Variants in PDE1A observed in about 807,000 individuals in gnomAD.
PDE1A encodes phosphodiesterase 1A.
A neutral mutation model predicts 61.7 loss-of-function variants in PDE1A; 35 were observed. The observed-to-expected ratio is 0.57, with a 90% CI of 0.43 to 0.75. The LOEUF is 0.75. Ranked by LOEUF, PDE1A falls within the 30% of genes least tolerant of loss-of-function variation. The pLI, the probability that PDE1A is intolerant of heterozygous loss-of-function variation, is 0.00. For missense variants in PDE1A, 597 were observed against 630.6 expected (o/e 0.95, Z 0.57); for synonymous variants, 232 against 213.2 (o/e 1.09, Z -0.77).
chr2:182,276,642 T>A (rs2125834917), intron 1 of PDE1A, among the ~76,000 whole-genome samples: 1 of 152,108 alleles, frequency 6.6e-6, no homozygotes, highest in East Asian at 1.9e-4. Flanking sequence ...ACAGCAATTT[T>A]AGGGAACAAG....
chr2:182,543,945 G>C, the PDE1A span, among the ~76,000 whole-genome samples: 1 of 152,186 alleles, frequency 6.6e-6, no homozygotes, highest in Admixed American at 6.6e-5. Flanking sequence ...CTTCCTCTCT[G>C]TCTCTCCTTC....
chr2:182,501,828 G>A (rs1689099531), intron 2 of PDE1A, among the ~76,000 whole-genome samples: 1 of 152,062 alleles, frequency 6.6e-6, no homozygotes, highest in African/African-American at 2.4e-5. Flanking sequence ...TTAACACCCT[G>A]TCCTTTAAAG....
At chr2:182,178,617 T>C (rs538264319) in intron 13 of PDE1A, among the ~76,000 whole-genome samples, 1 of 152,186 alleles carries the variant, frequency 6.6e-6, no homozygotes, top group African/African-American at 2.4e-5. Flanking sequence ...TCATGTTCCC[T>C]TATCCAGCAT....
intron 1 of PDE1A, among the ~76,000 whole-genome samples, chr2:182,363,581 G>C (rs2623439): frequency 1.3e-5 from 2 of 151,912 alleles, no homozygotes; most frequent in Non-Finnish European, 2.9e-5. Flanking sequence ...GGCAGAGGGA[G>C]TAACACACGC....
At chr2:182,505,384 G>A (rs1342662433) in intron 2 of PDE1A, among the ~76,000 whole-genome samples, 1 of 151,990 alleles carries the variant, frequency 6.6e-6, no homozygotes, top group Non-Finnish European at 1.5e-5. Context: ...TTAACATTTG[G>A]CAGAGGAATG....
the PDE1A span, among the ~76,000 whole-genome samples, chr2:182,577,990 A>AAGGAAGGAAGGAAGGAAGGGAGGG: frequency 7.3e-5 from 10 of 137,610 alleles, 1 homozygote; most frequent in African/African-American, 2.9e-4. Context: ...GGAAGGAAGG[A>AAGGAAGGAAGGAAGGAAGGGAGGG]AGGGACGGAG....
chr2:182,229,615 G>A (rs979158297), intron 6 of PDE1A, among the ~76,000 whole-genome samples: 1 of 152,122 alleles, frequency 6.6e-6, no homozygotes, highest in African/African-American at 2.4e-5. Flanking sequence ...ATGAGTAAGA[G>A]AGCAAAAGCG....
At chr2:182,425,724 T>G (rs1299740941) in intron 1 of PDE1A, among the ~76,000 whole-genome samples, 1 of 152,166 alleles carries the variant, frequency 6.6e-6, no homozygotes, top group Non-Finnish European at 1.5e-5. Flanking sequence ...AACCAGTGGT[T>G]GCAACTTGAC....
At chr2:182,171,848 T>C (rs1048716508) in intron 13 of PDE1A, among the ~76,000 whole-genome samples, 2 of 151,610 alleles carry the variant, frequency 1.3e-5, no homozygotes, top group Non-Finnish European at 2.9e-5. Context: ...CCCCATCATC[T>C]CTGTTCGACA....
At chr2:182,308,848 A>G (rs1342005444) in intron 1 of PDE1A, among the ~76,000 whole-genome samples, 2 of 152,092 alleles carry the variant, frequency 1.3e-5, no homozygotes, top group Non-Finnish European at 2.9e-5. Flanking sequence ...AACATTGATT[A>G]AAATTCAGCT....
At chr2:182,269,967 A>G (rs1692902345) in intron 1 of PDE1A, among the ~76,000 whole-genome samples, 1 of 152,150 alleles carries the variant, frequency 6.6e-6, no homozygotes, top group Non-Finnish European at 1.5e-5. Flanking sequence ...TTATTAAAAT[A>G]TTTAGAATTC....
exon 15 of PDE1A, chr2:182,141,613 A>G: frequency 6.6e-6 from 1 of 152,250 alleles, no homozygotes; most frequent in East Asian, 1.9e-4. Context: ...AAATATGCAT[A>G]TAGAATATGG....
chr2:182,692,964 C>T, the PDE1A span, among the ~76,000 whole-genome samples: 1 of 151,934 alleles, frequency 6.6e-6, no homozygotes, highest in Non-Finnish European at 1.5e-5. Flanking sequence ...TTATTTGGCA[C>T]CTATAGTCCT....
At chr2:182,275,717 G>A (rs1461310692) in intron 1 of PDE1A, among the ~76,000 whole-genome samples, 1 of 151,944 alleles carries the variant, frequency 6.6e-6, no homozygotes, top group African/African-American at 2.4e-5. Flanking sequence ...GGCAGAATAG[G>A]CACCCTCGTA....
chr2:182,605,983 G>A, the PDE1A span, among the ~76,000 whole-genome samples: 2 of 152,088 alleles, frequency 1.3e-5, no homozygotes, highest in South Asian at 4.2e-4. Flanking sequence ...CTGATTTTCA[G>A]ACTTATCTCC....
the PDE1A span, among the ~76,000 whole-genome samples, chr2:182,574,455 C>T: frequency 2.6e-5 from 4 of 152,098 alleles, no homozygotes; most frequent in Non-Finnish European, 5.9e-5. Flanking sequence ...ACAATAATGT[C>T]ATAATTACAC....
At position 182,301,531 on chromosome 2, in the gene PDE1A, C is replaced by A. The variant is rs73036279; in HGVS notation, c.54-37117G>T. On this transcript the variant is annotated intron_variant, in intron 1 of 13. Coordinates refer to ENST00000351439, the Ensembl canonical transcript of PDE1A. ...AAGGTGTGGTAGTGGTGCAGGGGTG[C>A]TTTTACAAGGGAGGATAGAGTAAGG... 5.9e-3 allele frequency among the ~76,000 whole-genome samples: 903 copies of A among 152,220 alleles called. 10 individuals are homozygous for A. Among genetic ancestry groups the A allele is most frequent in the African/African-American group, 0.02 (845 of 41,538 alleles).
chr2:182,160,785 A>G (rs536523848), intron 13 of PDE1A, among the ~76,000 whole-genome samples: 1 of 152,206 alleles, frequency 6.6e-6, no homozygotes, highest in South Asian at 2.1e-4. Context: ...ATTCCCTTTC[A>G]TGTATATTCT....
the PDE1A span, among the ~76,000 whole-genome samples, chr2:182,628,429 C>G: frequency 2.7e-4 from 41 of 152,100 alleles, no homozygotes; most frequent in East Asian, 1.9e-4. Context: ...GAGTTCTTTT[C>G]CTTTAATTTT....
Sources: allele counts gnomAD v4.1 joint callset (sites outside exome capture counted in the v4.1 genomes callset), GRCh38; gene constraint gnomAD v4.1.1; transcripts MANE v1.5; gene names NCBI Gene and HGNC (gene_info 2026-07-23, HGNC 2026-07-21).